The following ADGRL3 variants were observed in gnomAD, a reference collection of about 807,000 sequenced individuals.
ADGRL3 encodes the protein adhesion G protein-coupled receptor L3.
Under a neutral mutation model 153.5 loss-of-function variants are expected in ADGRL3, and 62 were observed. That is an observed-to-expected ratio of 0.40 (90% CI 0.33 to 0.50). The LOEUF (loss-of-function observed/expected upper bound fraction) is 0.50, where lower values mean the gene tolerates loss of function less well. ADGRL3 is among the 20% of genes least tolerant of loss of function. ADGRL3 has a pLI of 0.47. For missense variants in ADGRL3, 1,641 were observed against 1,859.4 expected (o/e 0.88, Z 2.16); for synonymous variants, 710 against 672.5 (o/e 1.06, Z -0.86).
Position 61,985,563 on chromosome 4 carries a change from T to C in ADGRL3, c.3236+1960T>C, listed in dbSNP as rs560908694. Among the ~76,000 whole-genome samples the C allele has an allele frequency of 1.3e-4, 20 of 152,216 alleles. No homozygotes were observed. The South Asian group carries it at 4.2e-3, about 32-fold the overall frequency. On this transcript the variant is annotated intron_variant, in intron 19 of 26. Coordinates refer to ENST00000683033, the MANE Select transcript of ADGRL3 (RefSeq NM_001387552.1). ...AGTTAATAAGCCAAATTTCATGACT[T>C]TCCACCGGCAATCAGCAGTCTGAAC...
chr4:61,460,621 G>T (rs1032164918), intron 2 of ADGRL3, among the ~76,000 whole-genome samples: 3 of 152,004 alleles, frequency 2.0e-5, no homozygotes, highest in African/African-American at 7.2e-5. Flanking sequence ...CCCGAGACTG[G>T]GTAATATATA....
chr4:61,957,286 T>C (rs962891895), intron 17 of ADGRL3, among the ~76,000 whole-genome samples: 2 of 152,172 alleles, frequency 1.3e-5, no homozygotes, highest in Non-Finnish European at 1.5e-5. Context: ...TATTTTATTC[T>C]CTGTGTAGTG....
intron 17 of ADGRL3, among the ~76,000 whole-genome samples, chr4:61,970,036 G>T (rs2099021254): frequency 6.6e-6 from 1 of 152,106 alleles, no homozygotes; most frequent in Non-Finnish European, 1.5e-5. Context: ...TGGGCAGTTG[G>T]TTGCCCTATT....
intron 2 of ADGRL3, among the ~76,000 whole-genome samples, chr4:61,417,052 A>C (rs1175551454): frequency 6.6e-6 from 1 of 152,012 alleles, no homozygotes; most frequent in East Asian, 1.9e-4. Flanking sequence ...CTCCTGTGAG[A>C]ATCTAATGCC....
Position 61,353,621 on chromosome 4 carries a change from T to TG in ADGRL3, c.-239-29502dup, listed in dbSNP as rs11385135. ...TTCAATTTTTTTTTTTTTTTTTTTT[T>TG]GTAGAAACGAGGTCTCACTATATTG... On this transcript the variant is annotated intron_variant, in intron 1 of 26. Transcript: ENST00000683033. Among the ~76,000 whole-genome samples, 8 of 134,406 alleles carry TG rather than the reference T, an allele frequency of 6.0e-5. No homozygotes were observed. The South Asian group carries it at 1.1e-3, about 19-fold the overall frequency. 88.2% of individuals were successfully genotyped at this position (134,406 alleles called of 152,430 possible).
At chr4:61,257,617 A>C (rs1371591679) in intron 1 of ADGRL3, among the ~76,000 whole-genome samples, 2 of 152,196 alleles carry the variant, frequency 1.3e-5, no homozygotes, top group Non-Finnish European at 2.9e-5. Context: ...GCAGTTTTTA[A>C]AGACAAAGAT....
rs971440911 is a variant in ADGRL3 at position 61,800,642 on chromosome 4, A to G, written c.1400-13167A>G. On this transcript the variant is annotated intron_variant, in intron 8 of 26. Coordinates refer to ENST00000683033, the MANE Select transcript of ADGRL3 (RefSeq NM_001387552.1). ...TCTCCTAGAATTATTCTAGAAAATAACGGAAGATACTTGTTAGACATTTCT... is the reference window on the plus strand; with the variant it reads ...TCTCCTAGAATTATTCTAGAAAATAGCGGAAGATACTTGTTAGACATTTCT... Among the ~76,000 whole-genome samples the G allele has an allele frequency of 4.9e-4, 74 of 152,196 alleles. 2 individuals are homozygous for G.
chr4:61,871,791 T>TA (rs1296829600), intron 9 of ADGRL3, among the ~76,000 whole-genome samples: 1 of 152,170 alleles, frequency 6.6e-6, no homozygotes, highest in African/African-American at 2.4e-5. Context: ...GCTGTTATTT[T>TA]AAAAAAGCTA....
At chr4:61,685,271 T>C (rs2095421886) in intron 6 of ADGRL3, among the ~76,000 whole-genome samples, 1 of 152,046 alleles carries the variant, frequency 6.6e-6, no homozygotes, top group South Asian at 2.1e-4. Context: ...ACAGCAGCAA[T>C]AATTCTATCA....
intron 25 of ADGRL3, among the ~76,000 whole-genome samples, chr4:62,067,341 T>C (rs1283948097): frequency 1.3e-5 from 2 of 151,940 alleles, no homozygotes; most frequent in South Asian, 2.1e-4. Flanking sequence ...AAATAAGAGG[T>C]TTTTTTCCTT....
At chr4:61,367,449 C>A (rs1423227497) in intron 1 of ADGRL3, among the ~76,000 whole-genome samples, 1,021 of 134,660 alleles carry the variant, frequency 7.6e-3, no homozygotes, top group South Asian at 0.012. Flanking sequence ...CATGTGTTCT[C>A]ATTGTTCAAT....
chr4:61,291,619 TATATATAA>T lies in ADGRL3; in HGVS notation c.-240+89856_-240+89863del, dbSNP rs1388844268. ...ATATATATATACACACACATATATA[TATATATAA>T]AATATTTATTTATATATGCATGTAT... On this transcript the variant is annotated intron_variant, in intron 1 of 26. Coordinates refer to ENST00000683033, the MANE Select transcript of ADGRL3 (RefSeq NM_001387552.1). Among the ~76,000 whole-genome samples the T allele has an allele frequency of 4.5e-3, 190 of 41,928 alleles. 3 individuals carry two copies. Among genetic ancestry groups the T allele is most frequent in the African/African-American group, 8.0e-3 (134 of 16,790 alleles). The allele number at this position is 41,928 out of a possible 152,430, so 27.5% of individuals were successfully genotyped here.
chr4:61,935,032 C>G lies in ADGRL3; in HGVS notation c.2296+9C>G, dbSNP rs373386794. 3.1e-6 allele frequency: 5 copies of G among 1,611,940 alleles called. No homozygotes were observed. The African/African-American group carries it at 6.7e-5, about 22-fold the overall frequency. On this transcript the variant is annotated intron_variant, in intron 14 of 26. Transcript: ENST00000683033. ...GAATACAGACAATATTAGTAAGTGG[C>G]CTTTGTTATTCAGAAGGTCCAGACA...
At chr4:61,847,918 TA>T (rs2098147950) in intron 9 of ADGRL3, among the ~76,000 whole-genome samples, 1 of 14,276 alleles carries the variant, frequency 7.0e-5, no homozygotes, top group Non-Finnish European at 1.6e-4. Context: ...TAAAATATAT[TA>T]TATATATAAT....
At chr4:61,827,921 AGT>A (rs2097827244) in intron 9 of ADGRL3, among the ~76,000 whole-genome samples, 2 of 152,086 alleles carry the variant, frequency 1.3e-5, no homozygotes, top group African/African-American at 4.8e-5. Flanking sequence ...TAATTTTAGG[AGT>A]GTCTGAGACC....
chr4:61,472,150 G>T (rs1168519042), intron 2 of ADGRL3, among the ~76,000 whole-genome samples: 1 of 152,106 alleles, frequency 6.6e-6, no homozygotes, highest in Admixed American at 6.6e-5. Flanking sequence ...ATATGATGCT[G>T]TGGGAAGAAT....
Position 61,980,947 on chromosome 4 carries a change from G to A in ADGRL3, c.3015+1175G>A, listed in dbSNP as rs1560462745. On this transcript the variant is annotated intron_variant, in intron 18 of 26. Coordinates refer to ENST00000683033, the MANE Select transcript of ADGRL3 (RefSeq NM_001387552.1). ...GAAGAAAGCTGCTATAACCATATGT[G>A]TGCAGGTTTTTGTGTGGACATATGT... 2.6e-5 allele frequency among the ~76,000 whole-genome samples: 4 copies of A among 152,250 alleles called. No homozygotes were observed. The South Asian group carries it at 8.3e-4, about 32-fold the overall frequency.
chr4:61,521,916 A>C (rs60077099), intron 4 of ADGRL3, among the ~76,000 whole-genome samples: 3 of 152,144 alleles, frequency 2.0e-5, no homozygotes, highest in African/African-American at 7.2e-5. Flanking sequence ...ACTAAACTAA[A>C]AATGTTATGT....
At chr4:61,618,366 A>G (rs1438841478) in intron 5 of ADGRL3, among the ~76,000 whole-genome samples, 1 of 152,226 alleles carries the variant, frequency 6.6e-6, no homozygotes, top group Admixed American at 6.5e-5. Flanking sequence ...TTGGGCATAA[A>G]GTTACTGTAT....
Sources: allele counts gnomAD v4.1 joint callset (sites outside exome capture counted in the v4.1 genomes callset), GRCh38; gene constraint gnomAD v4.1.1; transcripts MANE v1.5; gene names NCBI Gene and HGNC (gene_info 2026-07-23, HGNC 2026-07-21).